Variants in CHRM3 observed in about 807,000 individuals in gnomAD.
CHRM3 encodes cholinergic receptor muscarinic 3.
CHRM3 carries 11 observed loss-of-function variants against 41.8 expected under a neutral mutation model. The observed-to-expected ratio is 0.26, with a 90% CI of 0.17 to 0.44. The LOEUF is 0.44. CHRM3 is among the 20% of genes least tolerant of loss of function. CHRM3 has a pLI of 1.00. For missense variants in CHRM3, 571 were observed against 745.4 expected, an observed-to-expected ratio of 0.77 and a Z score of 2.72; for synonymous variants, 297 against 301.4, an observed-to-expected ratio of 0.99 and a Z score of 0.15.
chr1:239,618,272 T>C (rs906566103), intron 3 of CHRM3, among the ~76,000 whole-genome samples: 4 of 126,524 alleles, frequency 3.2e-5, no homozygotes, highest in African/African-American at 9.8e-5. Flanking sequence ...ACTTTTTTTT[T>C]CTTTCTTTTT....
rs1177112863 is a variant in CHRM3 at position 239,912,014 on chromosome 1, G to A, written c.*2790G>A. On this transcript the variant is annotated 3_prime_UTR_variant, in exon 7 of 7. Coordinates refer to ENST00000676153, the MANE Select transcript of CHRM3 (RefSeq NM_001375978.1). ...ATCAAAATGTCTTCATCCCAAATTG[G>A]GAATCGAATTATTTCATGCCATATG... 6.0e-6 allele frequency: 1 copy of A among 166,972 alleles called. No homozygotes were observed. The highest frequency in any genetic ancestry group is 1.9e-4 in the East Asian group (1 of 5,188). 10.3% of individuals were successfully genotyped at this position (166,972 alleles called of 1,614,324 possible).
rs1421549056 is a variant in CHRM3, at chr1:239,694,970, G to A, written c.-147+16682G>A. 3.3e-5 allele frequency among the ~76,000 whole-genome samples: 5 copies of A among 152,028 alleles called. No individual in the cohort carries two copies. In the South Asian group the frequency reaches 8.3e-4, roughly 25 times the overall value. ...AAATGAACCATAGAAATGATGCAAGGAAAGATGGAACTGATTATTGAAATG... is the reference window on the plus strand; with the variant it reads ...AAATGAACCATAGAAATGATGCAAGAAAAGATGGAACTGATTATTGAAATG... On this transcript the variant is annotated intron_variant, in intron 5 of 6. Transcript: ENST00000676153.
intron 1 of CHRM3, among the ~76,000 whole-genome samples, chr1:239,401,496 C>CT (rs1028998993): frequency 2.7e-4 from 40 of 148,714 alleles, no homozygotes; most frequent in East Asian, 5.9e-4. Flanking sequence ...CTCTTTTTTC[C>CT]TTTTTTTTTT....
rs1172100478 is a variant in CHRM3, at chr1:239,641,703, T to G, written c.-250+9417T>G. Among the ~76,000 whole-genome samples the G allele has an allele frequency of 9.4e-4, 137 of 145,258 alleles. 1 individual carries two copies. The Middle Eastern group carries it at 0.01, about 11-fold the overall frequency. ...TTCCTGAATACAGCACACTGCTGGG[T>G]CTTGACTCTTTATCCAATTTGCCAG... On this transcript the variant is annotated intron_variant, in intron 4 of 6. Coordinates refer to ENST00000676153, the MANE Select transcript of CHRM3 (RefSeq NM_001375978.1).
At position 239,728,683 on chromosome 1, in the gene CHRM3, G is replaced by T. The variant is rs1426794441; in HGVS notation, c.-147+50395G>T. 2.0e-5 allele frequency among the ~76,000 whole-genome samples: 3 copies of T among 151,970 alleles called. No homozygotes were observed. In the East Asian group the frequency reaches 5.8e-4, roughly 29 times the overall value. Reference sequence around the variant, plus strand: ...ATAACATTAATTCATTCTTAAACCAGAATGGAATTTTTGTCACAAGGTCTC... The same window carrying T: ...ATAACATTAATTCATTCTTAAACCATAATGGAATTTTTGTCACAAGGTCTC... On this transcript the variant is annotated intron_variant, in intron 5 of 6. Transcript: ENST00000676153.
chr1:239,702,162 T>C (rs1245169237), intron 5 of CHRM3, among the ~76,000 whole-genome samples: 1 of 152,196 alleles, frequency 6.6e-6, no homozygotes, highest in African/African-American at 2.4e-5. Flanking sequence ...TGCTGCTCTT[T>C]GGTTGACTTA....
At chr1:239,783,479 G>A (rs1668658537) in intron 5 of CHRM3, among the ~76,000 whole-genome samples, 1 of 152,066 alleles carries the variant, frequency 6.6e-6, no homozygotes, top group African/African-American at 2.4e-5. Flanking sequence ...AAGAGTATAT[G>A]CAGGATTTAT....
intron 2 of CHRM3, among the ~76,000 whole-genome samples, chr1:239,494,701 C>A (rs1407618907): frequency 1.3e-5 from 2 of 152,100 alleles, no homozygotes; most frequent in African/African-American, 4.8e-5. Flanking sequence ...TCTCCCCAAC[C>A]CAGCCTTCCC....
At chr1:239,665,550 T>C (rs1673699439) in intron 4 of CHRM3, among the ~76,000 whole-genome samples, 1 of 152,216 alleles carries the variant, frequency 6.6e-6, no homozygotes. Flanking sequence ...TTTTAAGTTC[T>C]GGCGTACACG....
At chr1:239,822,384 A>T (rs1280863285) in intron 5 of CHRM3, among the ~76,000 whole-genome samples, 1 of 152,180 alleles carries the variant, frequency 6.6e-6, no homozygotes, top group East Asian at 1.9e-4. Flanking sequence ...GAGTACTACA[A>T]ATTGCAAGAG....
At chr1:239,498,363 G>T (rs927458544) in intron 2 of CHRM3, among the ~76,000 whole-genome samples, 6 of 152,066 alleles carry the variant, frequency 3.9e-5, no homozygotes, top group Non-Finnish European at 5.9e-5. Flanking sequence ...TATGATCACT[G>T]TATTTATTTT....
chr1:239,401,174 C>T (rs938215174), intron 1 of CHRM3, among the ~76,000 whole-genome samples: 9 of 152,244 alleles, frequency 5.9e-5, no homozygotes, highest in East Asian at 1.9e-4. Context: ...AAGGGTCAGG[C>T]CACAACATGG....
At chr1:239,848,538 C>G (rs1390034212) in intron 6 of CHRM3, among the ~76,000 whole-genome samples, 1 of 152,054 alleles carries the variant, frequency 6.6e-6, no homozygotes, top group Non-Finnish European at 1.5e-5. Flanking sequence ...ACATTTATAT[C>G]ACTTTATCCT....
chr1:239,837,642 A>G (rs1476907987), intron 6 of CHRM3, among the ~76,000 whole-genome samples: 1 of 152,242 alleles, frequency 6.6e-6, no homozygotes, highest in Non-Finnish European at 1.5e-5. Flanking sequence ...GAATTCCAGC[A>G]AAATATCTTT....
intron 5 of CHRM3, among the ~76,000 whole-genome samples, chr1:239,819,969 G>A (rs538344673): frequency 6.0e-4 from 91 of 152,214 alleles, no homozygotes; most frequent in Middle Eastern, 3.4e-3. Context: ...ACTAGTGGCC[G>A]AACCTGTGCT....
At chr1:239,581,009 C>T (rs898826832) in intron 3 of CHRM3, among the ~76,000 whole-genome samples, 7 of 151,630 alleles carry the variant, frequency 4.6e-5, no homozygotes, top group Non-Finnish European at 1.0e-4. Flanking sequence ...TGACATAAAC[C>T]TCAGGATACT....
At chr1:239,654,849 G>GA (rs1170416220) in intron 4 of CHRM3, among the ~76,000 whole-genome samples, 23 of 152,278 alleles carry the variant, frequency 1.5e-4, no homozygotes, top group African/African-American at 5.5e-4. Context: ...AAAATAATAA[G>GA]ACCCCAAGCT....
At chr1:239,859,461 T>A (rs1483211772) in intron 6 of CHRM3, among the ~76,000 whole-genome samples, 1 of 148,862 alleles carries the variant, frequency 6.7e-6, no homozygotes, top group African/African-American at 2.5e-5. Flanking sequence ...AGTCTCACTC[T>A]GTTGCCCAGG....
chr1:239,451,561 C>T (rs966357704), intron 1 of CHRM3, among the ~76,000 whole-genome samples: 23 of 152,044 alleles, frequency 1.5e-4, no homozygotes, highest in African/African-American at 2.7e-4. Context: ...CCACCCATGC[C>T]GTACAGATTG....
Sources: allele counts gnomAD v4.1 joint callset (sites outside exome capture counted in the v4.1 genomes callset), GRCh38; gene constraint gnomAD v4.1.1; transcripts MANE v1.5; gene names NCBI Gene and HGNC (gene_info 2026-07-23, HGNC 2026-07-21).